Variants in COA1 observed in about 807,000 individuals in gnomAD.
COA1 encodes the protein cytochrome c oxidase assembly factor 1, also known as cytochrome c oxidase assembly factor 1 homolog.
COA1 carries 13 observed loss-of-function variants against 16.0 expected under a neutral mutation model. That is an observed-to-expected ratio of 0.81 (90% CI 0.53 to 1.29). COA1 has a LOEUF of 1.29. COA1 is among the 50% of genes most tolerant of loss of function. The pLI, the probability that COA1 is intolerant of heterozygous loss-of-function variation, is 0.00. For synonymous variants in COA1, 65 were observed against 65.7 expected, an observed-to-expected ratio of 0.99 and a Z score of 0.05; for missense variants, 179 against 177.0, an observed-to-expected ratio of 1.01 and a Z score of -0.06.
chr7:43,625,366 T>A (rs1376953386), intron 6 of COA1: 3 of 152,548 alleles, frequency 2.0e-5, no homozygotes, highest in Non-Finnish European at 2.9e-5. Context: ...ATGTCTTTTT[T>A]AAATATTTTC....
chr7:43,709,216 C>T (rs191385084), intron 1 of COA1, among the ~76,000 whole-genome samples: 185 of 151,912 alleles, frequency 1.2e-3, no homozygotes, highest in African/African-American at 4.2e-3. Context: ...TTAATAGAGA[C>T]GGGGTTTCAC....
At chr7:43,643,529 C>T (rs2087785220) in intron 4 of COA1, among the ~76,000 whole-genome samples, 1 of 152,226 alleles carries the variant, frequency 6.6e-6, no homozygotes, top group African/African-American at 2.4e-5. Context: ...GCTCCTCCTC[C>T]AGGATGTCCT....
chr7:43,711,983 G>A (rs1021704675), intron 1 of COA1, among the ~76,000 whole-genome samples: 1 of 152,080 alleles, frequency 6.6e-6, no homozygotes, highest in South Asian at 2.1e-4. Context: ...ATTAAAACAC[G>A]GACTTTTACC....
intron 1 of COA1, among the ~76,000 whole-genome samples, chr7:43,681,539 C>G (rs1218389490): frequency 6.6e-6 from 1 of 151,978 alleles, no homozygotes; most frequent in African/African-American, 2.4e-5. Flanking sequence ...TTTCATAGTC[C>G]CCATGAAAAT....
rs754396577 is a variant in COA1 at position 43,614,838 on chromosome 7, A to G, written c.*134-5343T>C. On this transcript the variant is annotated intron_variant and NMD_transcript_variant, in intron 6 of 6. Transcript: ENST00000415076. ...TGATCACACTGATTTAGGATTTACA[A>G]CATTACCACCAAACCAATTAGTTTT... 3.9e-5 allele frequency among the ~76,000 whole-genome samples: 6 copies of G among 152,254 alleles called. No homozygotes were observed. The East Asian group carries it at 1.2e-3, about 29-fold the overall frequency.
rs532166340 is a variant in COA1 at position 43,728,878 on chromosome 7, A to G, written c.-39+551T>C. 5.3e-5 allele frequency among the ~76,000 whole-genome samples: 8 copies of G among 152,344 alleles called. No individual in the cohort carries two copies. The East Asian group carries it at 1.3e-3, about 26-fold the overall frequency. ...TTTAAATTACACAGCATCCACCCCCAAACACACATACAGACTGATAGGCAC... is the reference window on the plus strand; with the variant it reads ...TTTAAATTACACAGCATCCACCCCCGAACACACATACAGACTGATAGGCAC... On this transcript the variant is annotated intron_variant, in intron 1 of 5. Transcript: ENST00000223336.
At chr7:43,669,780 A>C (rs1041355246) in intron 1 of COA1, among the ~76,000 whole-genome samples, 2 of 152,092 alleles carry the variant, frequency 1.3e-5, no homozygotes, top group Non-Finnish European at 2.9e-5. Context: ...TTAAAAAAAA[A>C]AAACCATCAC....
intron 4 of COA1, among the ~76,000 whole-genome samples, chr7:43,644,762 G>GATAGATAGATAGATAGATAGA (rs1563228848): frequency 2.5e-5 from 2 of 80,040 alleles, no homozygotes; most frequent in African/African-American, 4.3e-5. Flanking sequence ...AGATAGATAG[G>GATAGATAGATAGATAGATAGA]CAGGCAGGCA....
intron 1 of COA1, among the ~76,000 whole-genome samples, chr7:43,669,832 G>C (rs1292003781): frequency 6.6e-6 from 1 of 151,682 alleles, no homozygotes; most frequent in Non-Finnish European, 1.5e-5. Flanking sequence ...CCAGGTTTCT[G>C]TTCTTGGGTT....
chr7:43,648,421 A>C, intron 2 of COA1, 179 bp downstream of exon 2: 1 of 751,698 alleles, frequency 1.3e-6, no homozygotes, highest in Admixed American at 2.0e-5. Flanking sequence ...CACGAGAGAA[A>C]GACAGAGTGG....
chr7:43,637,872 A>G (rs1338288930), downstream of COA1, among the ~76,000 whole-genome samples: 3 of 152,368 alleles, frequency 2.0e-5, no homozygotes, highest in African/African-American at 7.2e-5. Context: ...CTGGTTTTCT[A>G]TAATTTGGCC....
chr7:43,639,476 G>C lies in COA1; in HGVS notation c.*106C>G. 1 of 823,182 alleles carries C rather than the reference G, an allele frequency of 1.2e-6. No homozygotes were observed. The highest frequency in any genetic ancestry group is 1.7e-5 in the African/African-American group (1 of 58,934). 51.0% of individuals were successfully genotyped at this position (823,182 alleles called of 1,614,324 possible). A position where few individuals can be genotyped will look rare whatever the true frequency, so the allele number is the denominator to read the frequency against. ...TCATCCCACTGGTGGCTGGAAAACT[G>C]GGTTGCAGGAGTGTCTGTCACTGAG... On this transcript the variant is annotated 3_prime_UTR_variant, in exon 6 of 6. Coordinates refer to ENST00000223336, the MANE Select transcript of COA1 (RefSeq NM_018224.4).
chr7:43,652,853 G>A (rs554726226), intron 1 of COA1, among the ~76,000 whole-genome samples: 37 of 105,558 alleles, frequency 3.5e-4, no homozygotes, highest in African/African-American at 1.0e-3. Context: ...TTTAAAAATC[G>A]AACCGTTGTC....
chr7:43,703,334 A>G (rs1204965471), intron 1 of COA1, among the ~76,000 whole-genome samples: 2 of 152,210 alleles, frequency 1.3e-5, no homozygotes, highest in African/African-American at 4.8e-5. Flanking sequence ...AGTATTCTGT[A>G]GATGTCTGTT....
rs540685275 is a variant in COA1 at position 43,692,085 on chromosome 7, G to A, written c.-39+37344C>T. 9.8e-5 allele frequency among the ~76,000 whole-genome samples: 15 copies of A among 152,294 alleles called. No individual in the cohort carries two copies. The South Asian group carries it at 3.1e-3, about 32-fold the overall frequency. Reference sequence around the variant, plus strand: ...AGTATGGTTCACACAAAGACCCAGAGAGAGATAACCCCCATATCTCACAGC... The same window carrying A: ...AGTATGGTTCACACAAAGACCCAGAAAGAGATAACCCCCATATCTCACAGC... On this transcript the variant is annotated intron_variant, in intron 1 of 5. Transcript: ENST00000223336.
intron 1 of COA1, among the ~76,000 whole-genome samples, chr7:43,703,821 T>C (rs1236679043): frequency 6.6e-6 from 1 of 152,128 alleles, no homozygotes; most frequent in African/African-American, 2.4e-5. Flanking sequence ...TTTAAGTAGG[T>C]CATTTACATT....
intron 6 of COA1, among the ~76,000 whole-genome samples, chr7:43,609,912 T>C (rs1011434179): frequency 5.3e-5 from 8 of 152,240 alleles, no homozygotes; most frequent in Non-Finnish European, 1.0e-4. Flanking sequence ...TTAATGGCAG[T>C]GTTCTCTGAC....
intron 1 of COA1, among the ~76,000 whole-genome samples, chr7:43,669,722 CTTCT>C (rs2093138309): frequency 6.6e-6 from 1 of 151,552 alleles, no homozygotes; most frequent in Non-Finnish European, 1.5e-5. Context: ...TTCTTCCTTC[CTTCT>C]TTCTTGCCTA....
intron 4 of COA1, among the ~76,000 whole-genome samples, chr7:43,644,710 TTAGATAGATAGA>T (rs764989171): frequency 4.0e-4 from 23 of 56,938 alleles, no homozygotes; most frequent in South Asian, 2.6e-3. Context: ...GATAGATAGA[TTAGATAGATAGA>T]TAGATAGATA....
Sources: gnomAD v4.1 joint callset for allele counts (sites outside exome capture counted in the v4.1 genomes callset) on GRCh38, gnomAD v4.1.1 for gene constraint, MANE v1.5 for transcripts, NCBI Gene and HGNC (gene_info 2026-07-23, HGNC 2026-07-21) for gene names.